The following PHC3 variants were observed in gnomAD, a reference collection of about 807,000 sequenced individuals.
The protein encoded by PHC3 is polyhomeotic homolog 3.
PHC3 carries 13 observed loss-of-function variants against 107.4 expected under a neutral mutation model. The ratio of observed to expected loss-of-function variants is 0.12; its 90% CI spans 0.08 to 0.19. PHC3 has a LOEUF of 0.19. PHC3 is among the 10% of genes least tolerant of loss of function. PHC3 has a pLI of 1.00. For synonymous variants in PHC3, 456 were observed against 427.4 expected (o/e 1.07, Z -0.83); for missense variants, 992 against 1,210.9 (o/e 0.82, Z 2.68).
intron 4 of PHC3, among the ~76,000 whole-genome samples, chr3:170,169,146 T>TTA: frequency 6.6e-6 from 1 of 152,284 alleles, no homozygotes. Context: ...TTCCCCCAGG[T>TTA]GGTATGACTG....
intron 4 of PHC3, among the ~76,000 whole-genome samples, chr3:170,151,084 G>A (rs1311530770): frequency 4.6e-5 from 7 of 151,920 alleles, no homozygotes; most frequent in South Asian, 2.1e-4. Context: ...GATGGCACGC[G>A]CCTGTAATCC....
rs1052516881 is a variant in PHC3 at position 170,092,398 on chromosome 3, T to C, written c.*4832A>G. The C allele has an allele frequency of 6.6e-6, 1 of 152,230 alleles. No homozygotes were observed. The highest frequency in any genetic ancestry group is 2.4e-5 in the African/African-American group (1 of 41,476). 9.4% of individuals were successfully genotyped at this position (152,230 alleles called of 1,614,324 possible). ...ATACTGTATTTGTGCTTATCTAAAG[T>C]GGATCACAATCTTTGAGATGAAATT... On this transcript the variant is annotated 3_prime_UTR_variant, in exon 15 of 15. Coordinates refer to ENST00000495893, the MANE Select transcript of PHC3 (RefSeq NM_024947.4).
chr3:170,157,973 G>C (rs1727152967), intron 4 of PHC3, among the ~76,000 whole-genome samples: 1 of 151,696 alleles, frequency 6.6e-6, no homozygotes, highest in Non-Finnish European at 1.5e-5. Flanking sequence ...TTTTAAAAAT[G>C]GTAGAACATT....
intron 4 of PHC3, among the ~76,000 whole-genome samples, chr3:170,164,499 G>T (rs1728424031): frequency 6.6e-6 from 1 of 151,956 alleles, no homozygotes; most frequent in African/African-American, 2.4e-5. Flanking sequence ...TAAGTAAAAT[G>T]ACAAGAATTC....
At chr3:170,114,461 T>C (rs1718510000) in intron 10 of PHC3, among the ~76,000 whole-genome samples, 1 of 152,236 alleles carries the variant, frequency 6.6e-6, no homozygotes. Context: ...ATGTATTTTC[T>C]GGATAAGAAA....
intron 8 of PHC3, among the ~76,000 whole-genome samples, chr3:170,125,299 G>T (rs1268398887): frequency 6.6e-6 from 1 of 152,014 alleles, no homozygotes; most frequent in Non-Finnish European, 1.5e-5. Flanking sequence ...TGTCTGGGGG[G>T]TTAAGAAAAA....
At chr3:170,152,337 ATTTTTT>A (rs1220193435) in intron 4 of PHC3, among the ~76,000 whole-genome samples, 27 of 122,158 alleles carry the variant, frequency 2.2e-4, no homozygotes, top group African/African-American at 8.1e-4. Flanking sequence ...CGCCTGGCTA[ATTTTTT>A]TTTTTTTTTT....
intron 6 of PHC3, among the ~76,000 whole-genome samples, chr3:170,142,537 C>A (rs907968421): frequency 6.6e-6 from 1 of 151,844 alleles, no homozygotes; most frequent in Non-Finnish European, 1.5e-5. Flanking sequence ...CATCCTTTTA[C>A]CCTACAAATA....
At chr3:170,132,596 C>A (rs1185932903) in intron 7 of PHC3, among the ~76,000 whole-genome samples, 2 of 152,188 alleles carry the variant, frequency 1.3e-5, no homozygotes, top group East Asian at 3.8e-4. Context: ...CACTCAAGGC[C>A]ATGTGAGGAC....
In PHC3 at chr3:170,122,855, A is replaced by G; in HGVS notation, c.1789-111T>C. On this transcript the variant is annotated intron_variant, in intron 8 of 14. Coordinates refer to ENST00000495893, the MANE Select transcript of PHC3 (RefSeq NM_024947.4). ...GTGTATTAAATTTAAAAACAAGGCA[A>G]AAATGACTACTCTAACAGACTGAAA... The G allele has an allele frequency of 2.5e-6, 3 of 1,214,258 alleles. No individual in the cohort carries two copies. In the South Asian group the frequency reaches 4.8e-5, roughly 20 times the overall value. The allele number at this position is 1,214,258 out of a possible 1,614,324, so 75.2% of individuals were successfully genotyped here. A position where few individuals can be genotyped will look rare whatever the true frequency, so the allele number is the denominator to read the frequency against.
intron 8 of PHC3, among the ~76,000 whole-genome samples, chr3:170,126,534 T>A (rs1465490296): frequency 7.2e-5 from 10 of 138,234 alleles, no homozygotes; most frequent in African/African-American, 2.4e-4. Context: ...ATATATTTTT[T>A]TTTTTTTTTC....
At position 170,174,760 on chromosome 3, in the gene PHC3, AT is replaced by A. The variant is rs541799431; in HGVS notation, c.181-2049del. Among the ~76,000 whole-genome samples the A allele has an allele frequency of 1.1e-3, 161 of 152,332 alleles. 1 individual carries two copies. Among genetic ancestry groups the A allele is most frequent in the African/African-American group, 3.5e-3 (144 of 41,578 alleles). ...CTCCAACTATAGACTACTATGCCTG[AT>A]ACAAATTTCTGTCACAAAATCAATG... On this transcript the variant is annotated intron_variant, in intron 2 of 14. Coordinates refer to ENST00000495893, the MANE Select transcript of PHC3 (RefSeq NM_024947.4).
intron 4 of PHC3, among the ~76,000 whole-genome samples, chr3:170,161,659 T>C (rs953762852): frequency 5.9e-5 from 9 of 152,198 alleles, no homozygotes; most frequent in Non-Finnish European, 1.0e-4. Flanking sequence ...TACCGTTCCA[T>C]GGCCTGACCC....
At chr3:170,181,632 C>T (rs1468801386) in intron 1 of PHC3, 70 bp downstream of exon 1, 15 of 1,609,386 alleles carry the variant, frequency 9.3e-6, no homozygotes, top group Non-Finnish European at 1.2e-5. Context: ...GAGCTTTCCC[C>T]TGGGGGAACG....
chr3:170,103,739 T>C (rs1434448109), intron 12 of PHC3, among the ~76,000 whole-genome samples: 2 of 152,212 alleles, frequency 1.3e-5, no homozygotes, highest in African/African-American at 4.8e-5. Context: ...TCTGCCACTG[T>C]AGTGTGAAAG....
intron 2 of PHC3, among the ~76,000 whole-genome samples, chr3:170,174,573 CAG>C (rs1407958020): frequency 6.6e-6 from 1 of 152,182 alleles, no homozygotes; most frequent in East Asian, 1.9e-4. Context: ...AGCATCAAAC[CAG>C]AGTTTTCAAA....
chr3:170,150,993 G>A (rs1275191877), intron 4 of PHC3, among the ~76,000 whole-genome samples: 4 of 151,922 alleles, frequency 2.6e-5, no homozygotes, highest in Non-Finnish European at 4.4e-5. Context: ...TGGGCGGATC[G>A]CAAGGTCAGG....
intron 12 of PHC3, among the ~76,000 whole-genome samples, chr3:170,103,700 CAT>C (rs1715915460): frequency 6.6e-6 from 1 of 152,130 alleles, no homozygotes. Context: ...TTTCATGGGC[CAT>C]ATAAGTTTCT....
chr3:170,116,998 T>C, intron 10 of PHC3: 1 of 521,804 alleles, frequency 1.9e-6, no homozygotes, highest in South Asian at 2.7e-5. Context: ...AAATATGTCC[T>C]GAAATTTTTT....
Sources: gnomAD v4.1 joint callset for allele counts (sites outside exome capture counted in the v4.1 genomes callset) on GRCh38, gnomAD v4.1.1 for gene constraint, MANE v1.5 for transcripts, NCBI Gene and HGNC (gene_info 2026-07-23, HGNC 2026-07-21) for gene names.